SLC2A11: variants seen among roughly 807,000 people sequenced by gnomAD.
SLC2A11 encodes solute carrier family 2 member 11, also known as solute carrier family 2, facilitated glucose transporter member 11.
In SLC2A11, 43 loss-of-function variants were observed where a neutral mutation model predicts 52.1. The ratio of observed to expected loss-of-function variants is 0.82; its 90% CI spans 0.65 to 1.06. SLC2A11 has a LOEUF of 1.06. SLC2A11 is among the 50% of genes least tolerant of loss of function. The pLI, the probability that SLC2A11 is intolerant of heterozygous loss-of-function variation, is 0.00. For missense variants in SLC2A11, 582 were observed against 654.2 expected (o/e 0.89, Z 1.20); for synonymous variants, 261 against 277.6 (o/e 0.94, Z 0.59).
Position 23,883,970 on chromosome 22 carries a change from T to C in SLC2A11, c.1117T>C (p.Tyr373His). Residue 373 changes from tyrosine (Y) to histidine (H), a missense_variant, in exon 10 of 12, where the codon TAC becomes CAC. Coordinates refer to ENST00000316185, the MANE Select transcript of SLC2A11 (RefSeq NM_001024939.4). ...GCAGAGCTCCTTCCCCTGGACACTC[T>C]ACCTGGCCATGGCCTGCATCTTTGC... is the stretch of plus-strand genomic sequence containing the variant. ...CLQSSFPWTLYLAMACIFAFI... is the reference protein window; with the variant it reads ...CLQSSFPWTLHLAMACIFAFI... 6.2e-7 allele frequency: 1 copy of C among 1,613,360 alleles called. No individual in the cohort carries two copies. The highest frequency in any genetic ancestry group is 8.5e-7 in the Non-Finnish European group (1 of 1,179,830).
At chr22:23,867,569 A>T (rs983836952) in intron 2 of SLC2A11, 10 of 402,790 alleles carry the variant, frequency 2.5e-5, no homozygotes, top group Non-Finnish European at 4.6e-5. Context: ...ACCTGCGCTT[A>T]TGGTAATGAG....
chr22:23,857,348 C>T, upstream of SLC2A11: 7 of 1,344,948 alleles, frequency 5.2e-6, no homozygotes, highest in Non-Finnish European at 7.2e-6. Context: ...GAGTCGCTTG[C>T]TGGCACTTGC....
chr22:23,867,476 G>T, intron 2 of SLC2A11: 1 of 317,354 alleles, frequency 3.2e-6, no homozygotes, highest in Admixed American at 4.0e-5. Context: ...GTGATTACAG[G>T]TGTGAGCCAC....
rs1416468193 is a variant in SLC2A11 at position 23,884,399 on chromosome 22, C to T, written c.1269C>T (p.Ile423=). Residue 423 remains isoleucine (I), a synonymous_variant, in exon 11 of 12, where the codon ATC becomes ATT. Coordinates refer to ENST00000316185, the MANE Select transcript of SLC2A11 (RefSeq NM_001024939.4). The surrounding 1 kb of genome is among the most constrained non-coding windows in gnomAD (Gnocchi z 4.3). The stretch of plus-strand genomic sequence containing the variant: ...GGGCGCTCATGTGGATCATGCTCAT[C>T]CTGGTCGGCCTGGGATTTCCCTTTA... ...VCGALMWIML[I]LVGLGFPFIM... is the part of the protein sequence containing the mutation. 6 of 1,613,842 alleles carry T rather than the reference C, an allele frequency of 3.7e-6. No individual in the cohort carries two copies. In the East Asian group the frequency reaches 1.1e-4, roughly 30 times the overall value.
At position 23,877,836 on chromosome 22, in the gene SLC2A11, A is replaced by G. The variant is rs370548146; in HGVS notation, c.661A>G (p.Ile221Val). 1.9e-6 allele frequency: 3 copies of G among 1,613,416 alleles called. No individual in the cohort carries two copies. The highest frequency in any genetic ancestry group is 2.5e-6 in the Non-Finnish European group (3 of 1,179,778). ...LLPESPRYLLIDCGDTEACLA... is the reference protein window; with the variant it reads ...LLPESPRYLLVDCGDTEACLA... The stretch of plus-strand genomic sequence containing the variant: ...CCCTGAAAGCCCGCGCTACCTCCTC[A>G]TTGACTGTGGAGACACCGAGGCCTG... Residue 221 changes from isoleucine to valine, a missense_variant, in exon 6 of 12, where the codon ATT (isoleucine) becomes GTT (valine). Transcript: ENST00000316185.
chr22:23,885,739 G>A lies in SLC2A11; in HGVS notation c.*890G>A, dbSNP rs2032977934. 1 of 152,002 alleles carries A rather than the reference G, an allele frequency of 6.6e-6. No homozygotes were observed. Among genetic ancestry groups the A allele is most frequent in the African/African-American group, 2.4e-5 (1 of 41,378 alleles). The allele number at this position is 152,002 out of a possible 1,614,324, so 9.4% of individuals were successfully genotyped here. ...TAAATACAGGTTGTAGTGGGTATGG[G>A]TATGCATACCAGGAGGCCCGACCTC... On this transcript the variant is annotated 3_prime_UTR_variant, in exon 12 of 12. Coordinates refer to ENST00000316185, the MANE Select transcript of SLC2A11 (RefSeq NM_001024939.4).
chr22:23,884,662 A>G lies in SLC2A11; in HGVS notation c.1313A>G (p.His438Arg). ...TTTAATCCGCAGGAGGCCTTGTCCC[A>G]CTTCCTCTATGTCCCTTTCCTTGGT... The part of the protein sequence containing the change: ...GFPFIMEALS[H>R]FLYVPFLGVC... The change falls in exon 12 of 12, where the codon CAC (histidine) becomes CGC (arginine). Residue 438 changes from histidine (H) to arginine (R), a missense_variant. Coordinates refer to ENST00000316185, the MANE Select transcript of SLC2A11 (RefSeq NM_001024939.4). This position sits in a 1 kb window ranked among gnomAD's most constrained non-coding sequence, Gnocchi z 4.3. 6.2e-7 allele frequency: 1 copy of G among 1,612,998 alleles called. No individual in the cohort carries two copies. Among genetic ancestry groups the G allele is most frequent in the Non-Finnish European group, 8.5e-7 (1 of 1,179,598 alleles).
In SLC2A11 at chr22:23,868,603, A is replaced by G; in HGVS notation, c.252A>G (p.Gly84=). Residue 84 remains glycine, a synonymous_variant, in exon 3 of 12, where the codon GGA becomes GGG. Coordinates refer to ENST00000316185, the MANE Select transcript of SLC2A11 (RefSeq NM_001024939.4). ...TGTATCCCCTGGGAGGCCTCTTTGG[A>G]GCACTGCTTGCAGGTCCCTTGGCCA... The part of the protein sequence containing the change: ...VSLYPLGGLF[G]ALLAGPLAIT... 1 of 1,614,066 alleles carries G rather than the reference A, an allele frequency of 6.2e-7. No homozygotes were observed. The highest frequency in any genetic ancestry group is 8.5e-7 in the Non-Finnish European group (1 of 1,179,990).
At chr22:23,864,742 C>T (rs765083676) in intron 2 of SLC2A11, among the ~76,000 whole-genome samples, 2 of 152,194 alleles carry the variant, frequency 1.3e-5, no homozygotes, top group Non-Finnish European at 2.9e-5. Flanking sequence ...CCAGCCCCTA[C>T]GAAGGAGACT....
chr22:23,877,239 A>G, intron 5 of SLC2A11, 68 bp downstream of exon 5: 2 of 1,569,886 alleles, frequency 1.3e-6, no homozygotes, highest in African/African-American at 1.4e-5. Flanking sequence ...CTTCACCTAA[A>G]TGTCTCCCCT....
intron 6 of SLC2A11, among the ~76,000 whole-genome samples, chr22:23,879,169 G>C (rs1309151293): frequency 6.6e-6 from 1 of 152,158 alleles, no homozygotes; most frequent in Non-Finnish European, 1.5e-5. Flanking sequence ...TTTAGAGACA[G>C]GTTCTCGCTT....
chr22:23,860,896 A>T (rs1299101087), intron 1 of SLC2A11, among the ~76,000 whole-genome samples: 1 of 142,376 alleles, frequency 7.0e-6, no homozygotes, highest in Non-Finnish European at 1.5e-5. Context: ...CCCAGGCTGG[A>T]GTGCAGTGGC....
intron 2 of SLC2A11, chr22:23,862,429 A>C (rs1601486740): frequency 2.0e-6 from 1 of 510,056 alleles, no homozygotes. Context: ...TCCATCTTCC[A>C]CCTAGTGATG....
In SLC2A11 at chr22:23,877,167, C is replaced by T. The variant is rs1194523379; in HGVS notation, c.541C>T (p.Leu181Phe). The change falls in exon 5 of 12, where the codon CTC becomes TTC. Residue 181 changes from leucine to phenylalanine, a missense_variant. Leu to Phe is a conservative substitution (Grantham distance 22). Coordinates refer to ENST00000316185, the MANE Select transcript of SLC2A11 (RefSeq NM_001024939.4). ...LGIVMGQVVG[L>F]RELLGGPQAW... is the part of the protein sequence containing the mutation. ...GATCGTGATGGGACAGGTGGTCGGA[C>T]TCAGGTAAGCACCCCTCCCCCACAT... is the stretch of plus-strand genomic sequence containing the variant. 3 of 1,609,288 alleles carry T rather than the reference C, an allele frequency of 1.9e-6. No homozygotes were observed. The highest frequency in any genetic ancestry group is 1.7e-5 in the Admixed American group (1 of 59,582).
upstream of SLC2A11, chr22:23,857,574 CAA>C: frequency 6.9e-7 from 1 of 1,447,426 alleles, no homozygotes; most frequent in Non-Finnish European, 9.4e-7. Flanking sequence ...GCGGTGACCC[CAA>C]ACCCCCCCCC....
chr22:23,875,172 G>T lies in SLC2A11; in HGVS notation c.346G>T (p.Gly116Ter). The change falls in exon 4 of 12, where the codon GGA (glycine) becomes TGA (stop). Residue 116 changes from glycine (G) to a stop codon, truncating the protein, a stop_gained. Transcript: ENST00000316185. LOFTEE classifies it high-confidence loss of function. Reference sequence around the variant, plus strand: ...TGTGGTGTCAGCAGCAATCCTGTTTGGATTCAGCCGCAAAGCAGGCTCCTT... The same window carrying T: ...TGTGGTGTCAGCAGCAATCCTGTTTTGATTCAGCCGCAAAGCAGGCTCCTT... The part of the protein sequence containing the change: ...IFVVSAAILF[G>*]FSRKAGSFEM... 1 of 1,592,454 alleles carries T rather than the reference G, an allele frequency of 6.3e-7. No homozygotes were observed. Among genetic ancestry groups the T allele is most frequent in the Non-Finnish European group, 8.6e-7 (1 of 1,168,696 alleles).
At chr22:23,876,902 G>T in intron 4 of SLC2A11, 140 bp from the exon 5 acceptor site, 1 of 1,336,628 alleles carries the variant, frequency 7.5e-7, no homozygotes. Context: ...CTGAGTGTGG[G>T]GGGTGAGGGA....
rs199858184 is a variant in SLC2A11 at position 23,857,944 on chromosome 22, A to T, written c.-56A>T. On this transcript the variant is annotated 5_prime_UTR_variant, in exon 1 of 12. An upstream start codon of the reference 5' UTR is lost. Transcript: ENST00000316185. ...CAGGCTGCCGGCTCACCGCTTGCTA[A>T]TGGCAGCCGGGGTCTCCCTGGGACA... The T allele has an allele frequency of 3.1e-6, 5 of 1,593,924 alleles. No homozygotes were observed. Among genetic ancestry groups the T allele is most frequent in the Non-Finnish European group, 4.3e-6 (5 of 1,171,692 alleles).
intron 1 of SLC2A11, among the ~76,000 whole-genome samples, chr22:23,859,956 T>G (rs572967926): frequency 3.7e-4 from 57 of 152,310 alleles, no homozygotes; most frequent in African/African-American, 4.6e-4. Context: ...CAGTATTTTT[T>G]GGGGGAAGAT....
Sources: gnomAD v4.1 joint callset for allele counts (sites outside exome capture counted in the v4.1 genomes callset) on GRCh38, gnomAD v4.1.1 for gene constraint, Gnocchi (gnomAD v3.1) non-coding constraint, MANE v1.5 for transcripts, NCBI Gene and HGNC (gene_info 2026-07-23, HGNC 2026-07-21) for gene names.